The following DCDC2B variants were observed in gnomAD, a reference collection of about 807,000 sequenced individuals.
DCDC2B encodes doublecortin domain containing 2B, also known as doublecortin domain-containing protein 2B.
DCDC2B carries 41 observed loss-of-function variants against 38.9 expected under a neutral mutation model. The observed-to-expected ratio is 1.05, with a 90% CI of 0.82 to 1.37. The LOEUF (loss-of-function observed/expected upper bound fraction) is 1.37, where lower values mean the gene tolerates loss of function less well. Ranked by LOEUF, DCDC2B falls within the 40% of genes most tolerant of loss-of-function variation. DCDC2B has a pLI of 0.00. For synonymous variants in DCDC2B, 181 were observed against 171.9 expected (o/e 1.05, Z -0.41); for missense variants, 453 against 427.2 (o/e 1.06, Z -0.53).
chr1:32,209,429 A>T lies in DCDC2B; in HGVS notation c.266+70A>T, dbSNP rs545194543. ...CGGCAAGAGCGTGTATTCAGTACCT[A>T]CCATGTATGTACCAGCATGTTACTG... On this transcript the variant is annotated intron_variant, in intron 1 of 8. Coordinates refer to ENST00000409358, the MANE Select transcript of DCDC2B (RefSeq NM_001099434.2). 1.9e-6 allele frequency: 3 copies of T among 1,564,888 alleles called. No individual in the cohort carries two copies. In the East Asian group the frequency reaches 6.8e-5, roughly 35 times the overall value.
Position 32,214,781 on chromosome 1 carries a change from A to G in DCDC2B, c.715-16A>G, listed in dbSNP as rs1569775686. 1 of 1,613,860 alleles carries G rather than the reference A, an allele frequency of 6.2e-7. No homozygotes were observed. Among genetic ancestry groups the G allele is most frequent in the African/African-American group, 1.3e-5 (1 of 75,052 alleles). On this transcript the variant is annotated splice_polypyrimidine_tract_variant and intron_variant, in intron 6 of 8. Coordinates refer to ENST00000409358, the MANE Select transcript of DCDC2B (RefSeq NM_001099434.2). ...TGGCCAGCAATCAGGGTCCAAGCCCAGTGTCCCTTCTCTAGGCCCAAGGCC... is the reference window on the plus strand; with the variant it reads ...TGGCCAGCAATCAGGGTCCAAGCCCGGTGTCCCTTCTCTAGGCCCAAGGCC...
chr1:32,215,746 G>C, intron 8 of DCDC2B, 56 bp from the exon 9 acceptor site: 6 of 1,392,844 alleles, frequency 4.3e-6, no homozygotes, highest in Non-Finnish European at 5.9e-6. Flanking sequence ...CTGGCTGAGA[G>C]CTGGAGGCTG....
Position 32,215,997 on chromosome 1 carries a change from G to C in DCDC2B, c.*100G>C, listed in dbSNP as rs532578096. 2 of 1,019,664 alleles carry C rather than the reference G, an allele frequency of 2.0e-6. No homozygotes were observed. Among genetic ancestry groups the C allele is most frequent in the Non-Finnish European group, 3.0e-6 (2 of 673,592 alleles). 63.2% of individuals were successfully genotyped at this position (1,019,664 alleles called of 1,614,324 possible). Reference sequence around the variant, plus strand: ...TCCTCAGGAGCCAGCACCTCCGCTGGGCTCACAGGGTACACTGCGGCCTCC... The same window carrying C: ...TCCTCAGGAGCCAGCACCTCCGCTGCGCTCACAGGGTACACTGCGGCCTCC... On this transcript the variant is annotated 3_prime_UTR_variant, in exon 9 of 9. Coordinates refer to ENST00000409358, the MANE Select transcript of DCDC2B (RefSeq NM_001099434.2).
chr1:32,209,362 G>T lies in DCDC2B; in HGVS notation c.266+3G>T. ...TTTGAACGATTCCACAAGCTCCAGTGAGTGGGCTGGGGCTGGTCAAACAGC... is the reference window on the plus strand; with the variant it reads ...TTTGAACGATTCCACAAGCTCCAGTTAGTGGGCTGGGGCTGGTCAAACAGC... On this transcript the variant is annotated splice_donor_region_variant and intron_variant, in intron 1 of 8. Transcript: ENST00000409358. The T allele has an allele frequency of 6.2e-7, 1 of 1,613,650 alleles. No homozygotes were observed. The highest frequency in any genetic ancestry group is 8.5e-7 in the Non-Finnish European group (1 of 1,179,672).
chr1:32,215,405 C>T (rs1248465907), intron 7 of DCDC2B, 35 bp from the exon 8 acceptor site: 34 of 1,563,016 alleles, frequency 2.2e-5, no homozygotes, highest in Non-Finnish European at 2.9e-5. Context: ...GGCTCTTCAG[C>T]CTGGGCATCA....
chr1:32,210,624 A>T (rs1287887637), intron 1 of DCDC2B, among the ~76,000 whole-genome samples: 2 of 152,232 alleles, frequency 1.3e-5, no homozygotes, highest in African/African-American at 4.8e-5. Flanking sequence ...AATCTCATAC[A>T]AAATGGAGAT....
intron 7 of DCDC2B, 167 bp from the exon 8 acceptor site, chr1:32,215,273 G>C (rs570202498): frequency 1.6e-6 from 1 of 634,184 alleles, no homozygotes; most frequent in South Asian, 2.1e-5. Context: ...TAGAGGGGAT[G>C]GGGGTGGGAC....
At chr1:32,215,013 G>A (rs1638260649) in intron 7 of DCDC2B, 81 bp downstream of exon 7, 2 of 1,541,578 alleles carry the variant, frequency 1.3e-6, no homozygotes, top group Non-Finnish European at 1.8e-6. Flanking sequence ...TGTTGGGGAT[G>A]TCCATGGGAG....
intron 4 of DCDC2B, 117 bp downstream of exon 4, chr1:32,212,318 C>A: frequency 6.5e-7 from 1 of 1,541,668 alleles, no homozygotes; most frequent in Non-Finnish European, 8.8e-7. Flanking sequence ...ATGGGACTTC[C>A]CCCTATGCCA....
intron 1 of DCDC2B, among the ~76,000 whole-genome samples, chr1:32,210,643 C>T (rs1643547307): frequency 6.6e-6 from 1 of 152,084 alleles, no homozygotes; most frequent in African/African-American, 2.4e-5. Flanking sequence ...ATAAAACGAC[C>T]TATCTCATGA....
rs750425826 is a variant in DCDC2B, at chr1:32,214,832, T to G, written c.750T>G (p.Ser250=). 2 of 1,613,898 alleles carry G rather than the reference T, an allele frequency of 1.2e-6. No homozygotes were observed. The highest frequency in any genetic ancestry group is 2.2e-5 in the South Asian group (2 of 91,078). ...QGHRAQVTQP[S]PKEPDRIKPS... The stretch of plus-strand genomic sequence containing the variant: ...ACAGGGCCCAGGTAACCCAGCCCTC[T>G]CCAAAGGAACCAGACCGAATTAAGC... Residue 250 remains serine (S), a synonymous_variant, in exon 7 of 9, where the codon TCT becomes TCG. Coordinates refer to ENST00000409358, the MANE Select transcript of DCDC2B (RefSeq NM_001099434.2).
rs1024350662 is a variant in DCDC2B at position 32,211,121 on chromosome 1, T to C, written c.267-151T>C. ...CAAGGGGTCCTAGGGCAGGTTCAGC[T>C]GCCAATATCTTGTTTCTGGACTGAG... On this transcript the variant is annotated intron_variant, in intron 1 of 8. Coordinates refer to ENST00000409358, the MANE Select transcript of DCDC2B (RefSeq NM_001099434.2). 1.2e-5 allele frequency: 9 copies of C among 759,382 alleles called. No homozygotes were observed. The African/African-American group carries it at 1.4e-4, about 12-fold the overall frequency. 47.0% of individuals were successfully genotyped at this position (759,382 alleles called of 1,614,324 possible). A position where few individuals can be genotyped will look rare whatever the true frequency, so the allele number is the denominator to read the frequency against.
chr1:32,210,902 A>C (rs80309895), intron 1 of DCDC2B, among the ~76,000 whole-genome samples: 11,792 of 151,626 alleles, frequency 0.078, 517 homozygotes, highest in East Asian at 0.13. Flanking sequence ...TTTTGGTAGC[A>C]ATGAGGTTGC....
Position 32,211,294 on chromosome 1 carries a change from G to A in DCDC2B, c.289G>A (p.Asp97Asn), listed in dbSNP as rs752813964. ...KLHYLPHRGK[D>N]PGGKSCRLQG... ...CAGCTATTTACCCCATAGAGGGAAG[G>A]ACCCAGGTGGGAAGAGCTGCAGACT... Residue 97 changes from aspartate to asparagine, a missense_variant, in exon 2 of 9, where the codon GAC becomes AAC. Coordinates refer to ENST00000409358, the MANE Select transcript of DCDC2B (RefSeq NM_001099434.2). The A allele has an allele frequency of 6.2e-7, 1 of 1,613,910 alleles. No individual in the cohort carries two copies. Among genetic ancestry groups the A allele is most frequent in the South Asian group, 1.1e-5 (1 of 91,074 alleles).
rs541050742 is a variant in DCDC2B at position 32,210,714 on chromosome 1, C to CT, written c.267-545dup. On this transcript the variant is annotated intron_variant, in intron 1 of 8. Coordinates refer to ENST00000409358, the MANE Select transcript of DCDC2B (RefSeq NM_001099434.2). ...TGCACTAGTTTCTAGTTTCTCTTGACTTTTTTTTTTTTTGAGACAGGGTCT... is the reference window on the plus strand; with the variant it reads ...TGCACTAGTTTCTAGTTTCTCTTGACTTTTTTTTTTTTTTGAGACAGGGTCT... Among the ~76,000 whole-genome samples, 1,427 of 144,636 alleles carry CT rather than the reference C, an allele frequency of 9.9e-3. 29 individuals carry two copies. Among genetic ancestry groups the CT allele is most frequent in the African/African-American group, 0.03 (1,210 of 39,812 alleles). The allele number at this position is 144,636 out of a possible 152,430, so 94.9% of individuals were successfully genotyped here.
intron 7 of DCDC2B, 105 bp downstream of exon 7, chr1:32,215,037 C>T (rs1638261641): frequency 1.4e-6 from 2 of 1,396,178 alleles, no homozygotes; most frequent in Non-Finnish European, 1.9e-6. Context: ...AATGCTCAGA[C>T]ACAAAGCCGG....
At chr1:32,211,230 TCA>T in intron 1 of DCDC2B, 40 bp from the exon 2 acceptor site, 4 of 1,598,122 alleles carry the variant, frequency 2.5e-6, no homozygotes, top group Non-Finnish European at 3.4e-6. Flanking sequence ...TATTGAGGCC[TCA>T]GTCTCCACAA....
At chr1:32,215,048 C>T in intron 7 of DCDC2B, 116 bp downstream of exon 7, 4 of 1,324,162 alleles carry the variant, frequency 3.0e-6, no homozygotes, top group Non-Finnish European at 3.0e-6. Flanking sequence ...ACAAAGCCGG[C>T]ACTGGAAAAA....
At position 32,211,363 on chromosome 1, in the gene DCDC2B, C is replaced by A. The variant is rs764806766; in HGVS notation, c.318+40C>A. On this transcript the variant is annotated intron_variant, in intron 2 of 8. Transcript: ENST00000409358. ...ACCTGTGCCCCAGCCCCTCTGTCTT[C>A]CCACTCCTCCTGGAACTGCCCCCAA... The A allele has an allele frequency of 3.7e-6, 6 of 1,609,046 alleles. No homozygotes were observed. In the Admixed American group the frequency reaches 1.0e-4, roughly 27 times the overall value.
Sources: gnomAD v4.1 joint callset for allele counts (sites outside exome capture counted in the v4.1 genomes callset) on GRCh38, gnomAD v4.1.1 for gene constraint, MANE v1.5 for transcripts, NCBI Gene and HGNC (gene_info 2026-07-23, HGNC 2026-07-21) for gene names.